WWOX: variants seen among roughly 807,000 people sequenced by gnomAD.
WWOX encodes WW domain containing oxidoreductase, also known as WW domain-containing oxidoreductase.
WWOX carries 69 observed loss-of-function variants against 46.2 expected under a neutral mutation model. The observed-to-expected ratio is 1.49, with a 90% CI of 1.23 to 1.82. The LOEUF (loss-of-function observed/expected upper bound fraction) is 1.82, where lower values mean the gene tolerates loss of function less well. Among genes scored for constraint, WWOX ranks in the 40% most tolerant of loss-of-function variants. WWOX has a pLI of 0.00. For missense variants in WWOX, 919 were observed against 542.6 expected (o/e 1.69, Z -6.89); for synonymous variants, 359 against 202.6 (o/e 1.77, Z -6.56).
At chr16:78,660,835 A>T (rs538342704) in intron 8 of WWOX, among the ~76,000 whole-genome samples, 13 of 152,328 alleles carry the variant, frequency 8.5e-5, no homozygotes, top group Admixed American at 2.6e-4. Flanking sequence ...AACTGAGACT[A>T]TTGGCTATGT....
intron 8 of WWOX, among the ~76,000 whole-genome samples, chr16:78,616,096 C>G (rs1458868297): frequency 6.6e-6 from 1 of 152,096 alleles, no homozygotes; most frequent in Non-Finnish European, 1.5e-5. Context: ...CTTCTCACTT[C>G]CTACGTAGAA....
intron 8 of WWOX, among the ~76,000 whole-genome samples, chr16:78,978,042 C>G (rs1240506569): frequency 6.6e-6 from 1 of 152,204 alleles, no homozygotes; most frequent in Non-Finnish European, 1.5e-5. Flanking sequence ...AGCTACTACC[C>G]ATTCCTCTTC....
intron 8 of WWOX, among the ~76,000 whole-genome samples, chr16:78,546,640 C>T (rs1021244119): frequency 1.3e-5 from 2 of 152,196 alleles, no homozygotes; most frequent in African/African-American, 2.4e-5. Flanking sequence ...TAGTCCCACT[C>T]CCTAAAGATT....
At chr16:78,286,017 TG>T (rs1412661066) in intron 5 of WWOX, among the ~76,000 whole-genome samples, 4 of 152,172 alleles carry the variant, frequency 2.6e-5, no homozygotes. Context: ...GCCACCTTTT[TG>T]GGGGTCCAAA....
chr16:79,144,177 G>C (rs945581419), intron 8 of WWOX, among the ~76,000 whole-genome samples: 17 of 152,220 alleles, frequency 1.1e-4, no homozygotes, highest in Non-Finnish European at 2.1e-4. Flanking sequence ...GGAGATTACA[G>C]GCATGAGCCA....
intron 6 of WWOX, among the ~76,000 whole-genome samples, chr16:78,391,809 C>G (rs187079661): frequency 6.6e-6 from 1 of 152,294 alleles, no homozygotes; most frequent in East Asian, 1.9e-4. Context: ...CGAGATCATG[C>G]CTGGGGGACA....
intron 3 of WWOX, among the ~76,000 whole-genome samples, chr16:78,111,392 C>A (rs1025098319): frequency 2.6e-5 from 4 of 152,044 alleles, no homozygotes; most frequent in African/African-American, 7.2e-5. Context: ...ACTAACATAA[C>A]CTAGGAATAA....
intron 6 of WWOX, among the ~76,000 whole-genome samples, chr16:78,389,599 C>G (rs1053411928): frequency 1.3e-5 from 2 of 152,122 alleles, no homozygotes; most frequent in African/African-American, 4.8e-5. Context: ...GGAGTAGATG[C>G]TATTAATATC....
intron 8 of WWOX, among the ~76,000 whole-genome samples, chr16:79,130,306 T>C (rs946993510): frequency 9.2e-5 from 14 of 152,204 alleles, no homozygotes; most frequent in African/African-American, 3.1e-4. Flanking sequence ...GACCTCAAAA[T>C]ATATTGTTTT....
At chr16:79,119,374 T>C (rs141723795) in intron 8 of WWOX, among the ~76,000 whole-genome samples, 28 of 152,272 alleles carry the variant, frequency 1.8e-4, no homozygotes, top group African/African-American at 6.7e-4. Context: ...GGATGACAAG[T>C]GGATACTTAA....
At chr16:78,493,885 A>G (rs2084846866) in intron 8 of WWOX, among the ~76,000 whole-genome samples, 1 of 152,202 alleles carries the variant, frequency 6.6e-6, no homozygotes. Context: ...TGGATAGATG[A>G]ATGGTAATAC....
At chr16:78,821,859 A>G (rs2051505196) in intron 8 of WWOX, among the ~76,000 whole-genome samples, 1 of 152,120 alleles carries the variant, frequency 6.6e-6, no homozygotes. Flanking sequence ...CTCATCTCCA[A>G]TTCCCATCTT....
At chr16:78,838,880 A>G (rs1410888437) in intron 8 of WWOX, among the ~76,000 whole-genome samples, 1 of 152,130 alleles carries the variant, frequency 6.6e-6, no homozygotes, top group African/African-American at 2.4e-5. Flanking sequence ...AAGACAACAG[A>G]TAAGTGATTG....
chr16:78,697,298 C>T (rs923209058), intron 8 of WWOX, among the ~76,000 whole-genome samples: 1 of 152,132 alleles, frequency 6.6e-6, no homozygotes, highest in Non-Finnish European at 1.5e-5. Flanking sequence ...AGAAGTGTTC[C>T]CTGCTCACCG....
intron 5 of WWOX, among the ~76,000 whole-genome samples, chr16:78,171,942 A>G (rs2035175855): frequency 6.6e-6 from 1 of 152,170 alleles, no homozygotes; most frequent in Non-Finnish European, 1.5e-5. Flanking sequence ...TCTTTGTACT[A>G]GGTACTGTGC....
chr16:78,113,657 C>G (rs2032618231), intron 3 of WWOX, among the ~76,000 whole-genome samples: 1 of 152,134 alleles, frequency 6.6e-6, no homozygotes, highest in South Asian at 2.1e-4. Context: ...CTGTTTGTTT[C>G]CACAGTATAA....
intron 6 of WWOX, among the ~76,000 whole-genome samples, chr16:78,418,229 T>C (rs1281550030): frequency 2.6e-5 from 4 of 151,930 alleles, no homozygotes; most frequent in Non-Finnish European, 4.4e-5. Flanking sequence ...TGGGGCGTGG[T>C]GGCGGGCACC....
At chr16:78,705,004 T>C (rs914763589) in intron 8 of WWOX, among the ~76,000 whole-genome samples, 4 of 152,104 alleles carry the variant, frequency 2.6e-5, no homozygotes, top group Non-Finnish European at 4.4e-5. Flanking sequence ...TTAACATTTC[T>C]AGAAGTGCAA....
chr16:78,945,388 C>A lies in WWOX; in HGVS notation c.1057-266220C>A, dbSNP rs182850317. On this transcript the variant is annotated intron_variant, in intron 8 of 8. Coordinates refer to ENST00000566780, the MANE Select transcript of WWOX (RefSeq NM_016373.4). ...CTACTTGTCTTTATAATTGTGAAAT[C>A]CACCCTTAGTTTTAATGCATCTAAA... Among the ~76,000 whole-genome samples, 4 of 152,240 alleles carry A rather than the reference C, an allele frequency of 2.6e-5. No homozygotes were observed. The East Asian group carries it at 5.8e-4, about 22-fold the overall frequency.
Sources: gnomAD v4.1 joint callset for allele counts (sites outside exome capture counted in the v4.1 genomes callset) on GRCh38, gnomAD v4.1.1 for gene constraint, MANE v1.5 for transcripts, NCBI Gene and HGNC (gene_info 2026-07-23, HGNC 2026-07-21) for gene names.